HS1BP3: variants seen among roughly 807,000 people sequenced by gnomAD.
HS1BP3 encodes the protein HCLS1-binding protein 3.
In HS1BP3, 32 loss-of-function variants were observed where a neutral mutation model predicts 33.5. The observed-to-expected ratio is 0.95, with a 90% CI of 0.72 to 1.28. HS1BP3 has a LOEUF of 1.28. Ranked by LOEUF, HS1BP3 falls within the 50% of genes most tolerant of loss-of-function variation. HS1BP3 has a pLI of 0.00. For synonymous variants in HS1BP3, 187 were observed against 209.2 expected (o/e 0.89, Z 0.92); for missense variants, 486 against 502.3 (o/e 0.97, Z 0.31).
chr2:20,594,991 G>C (rs946057293), intron 3 of HS1BP3, among the ~76,000 whole-genome samples: 1 of 152,056 alleles, frequency 6.6e-6, no homozygotes, highest in Non-Finnish European at 1.5e-5. Context: ...CAACATACAC[G>C]TTGTCGGGAG....
rs538571723 is a variant in HS1BP3 at position 20,649,182 on chromosome 2, G to A, written c.32+1850C>T. Among the ~76,000 whole-genome samples, 9 of 152,182 alleles carry A rather than the reference G, an allele frequency of 5.9e-5. No individual in the cohort carries two copies. The South Asian group carries it at 1.5e-3, about 25-fold the overall frequency. On this transcript the variant is annotated intron_variant, in intron 1 of 6. Transcript: ENST00000304031. ...CTGATGGCCCCTCCACAGCCTTCTC[G>A]GCCTTTCCTGATCATCCTTCACTCC...
chr2:20,621,012 G>A (rs1052397919), intron 6 of HS1BP3, among the ~76,000 whole-genome samples: 10 of 152,246 alleles, frequency 6.6e-5, no homozygotes, highest in Admixed American at 2.0e-4. Flanking sequence ...AGAAGGGTGA[G>A]CCTGGCATGA....
downstream of HS1BP3, among the ~76,000 whole-genome samples, chr2:20,615,833 G>A (rs577943855): frequency 2.0e-5 from 3 of 152,350 alleles, no homozygotes; most frequent in African/African-American, 4.8e-5. Context: ...GTGAGAGCTT[G>A]AGACTCAGAG....
chr2:20,614,662 C>T (rs768638790), downstream of HS1BP3, among the ~76,000 whole-genome samples: 13 of 152,222 alleles, frequency 8.5e-5, no homozygotes, highest in Admixed American at 5.9e-4. Flanking sequence ...GGAAAACAAA[C>T]GACATGATTG....
In HS1BP3 at chr2:20,638,443, T is replaced by A. The variant is rs1176448899; in HGVS notation, c.616A>T (p.Ile206Phe). 1 of 1,613,986 alleles carries A rather than the reference T, an allele frequency of 6.2e-7. No individual in the cohort carries two copies. Among genetic ancestry groups the A allele is most frequent in the African/African-American group, 1.3e-5 (1 of 74,924 alleles). ...CAACAACAGGAGACCAACCGCATAA[T>A]GCCCAGAGGGTCCAGCGCCTCCTCC... ...EEEEALDPLG[I>F]MRSKKPKKHP... is the part of the protein sequence containing the mutation. The change falls in exon 4 of 7, where the codon ATT (isoleucine) becomes TTT (phenylalanine). Residue 206 changes from isoleucine to phenylalanine, a missense_variant. Physicochemically the swap from Ile to Phe is conservative, Grantham distance 21. Transcript: ENST00000304031.
chr2:20,617,072 AC>A (rs767649447), downstream of HS1BP3, among the ~76,000 whole-genome samples: 86 of 152,092 alleles, frequency 5.7e-4, 1 homozygote, highest in Middle Eastern at 3.4e-3. Flanking sequence ...GTGGCCACCT[AC>A]CCCGCTGTGC....
intron 4 of HS1BP3, chr2:20,636,437 G>C (rs978825269): frequency 6.6e-6 from 1 of 152,304 alleles, no homozygotes; most frequent in African/African-American, 2.4e-5. Flanking sequence ...GTGGGGTCCT[G>C]GCTCTGCCAT....
chr2:20,599,492 G>A (rs950212512), intron 2 of HS1BP3, among the ~76,000 whole-genome samples: 1 of 152,154 alleles, frequency 6.6e-6, no homozygotes, highest in Non-Finnish European at 1.5e-5. Flanking sequence ...ACACCAAACC[G>A]GGATGCTATC....
At chr2:20,603,503 A>C (rs1265101654) in intron 2 of HS1BP3, among the ~76,000 whole-genome samples, 1 of 152,216 alleles carries the variant, frequency 6.6e-6, no homozygotes, top group African/African-American at 2.4e-5. Context: ...CACATATTAC[A>C]TTATCCCATA....
At chr2:20,578,710 C>T (rs1484428766) in intron 5 of HS1BP3, among the ~76,000 whole-genome samples, 2 of 152,224 alleles carry the variant, frequency 1.3e-5, no homozygotes, top group Non-Finnish European at 2.9e-5. Context: ...TAGGCAATCT[C>T]CTACATGCTC....
chr2:20,640,423 A>G (rs1015045913), intron 3 of HS1BP3: 4 of 219,484 alleles, frequency 1.8e-5, no homozygotes, highest in African/African-American at 9.1e-5. Flanking sequence ...CAGGACACCC[A>G]TGGGAAGGGC....
At chr2:20,619,695 C>G (rs372706046) in intron 6 of HS1BP3, among the ~76,000 whole-genome samples, 4 of 152,272 alleles carry the variant, frequency 2.6e-5, no homozygotes, top group African/African-American at 9.6e-5. Context: ...GCTTCCATCA[C>G]GCAGATGAGG....
At chr2:20,632,646 A>G (rs1351435235) in intron 4 of HS1BP3, among the ~76,000 whole-genome samples, 1 of 152,328 alleles carries the variant, frequency 6.6e-6, no homozygotes, top group Non-Finnish European at 1.5e-5. Context: ...ACTTGCCACA[A>G]CGGGTCCTGG....
chr2:20,624,976 C>T, intron 4 of HS1BP3, 84 bp from the exon 5 acceptor site: 1 of 1,508,196 alleles, frequency 6.6e-7, no homozygotes, highest in Non-Finnish European at 9.1e-7. Flanking sequence ...GGCGCTGGGC[C>T]CTGCAGTGGA....
intron 4 of HS1BP3, 82 bp from the exon 5 acceptor site, chr2:20,624,974 GC>G: frequency 6.7e-7 from 1 of 1,501,840 alleles, no homozygotes; most frequent in Non-Finnish European, 9.2e-7. Context: ...CAGGCGCTGG[GC>G]CCTGCAGTGG....
chr2:20,562,734 T>A lies in HS1BP3; in HGVS notation c.303-2219A>T, dbSNP rs923559081. 1.2e-4 allele frequency among the ~76,000 whole-genome samples: 18 copies of A among 152,228 alleles called. 1 individual carries two copies. The highest frequency in any genetic ancestry group is 1.0e-3 in the Admixed American group (16 of 15,284). On this transcript the variant is annotated intron_variant, in intron 5 of 5. Coordinates refer to the HS1BP3 transcript ENST00000446825. The stretch of plus-strand genomic sequence containing the variant: ...CTAGAAGCTGTCTCCAGGGGGATAG[T>A]GTCAGAATTGAATTCAAAGCGAGGA...
intron 2 of HS1BP3, among the ~76,000 whole-genome samples, chr2:20,603,246 G>T (rs1694106715): frequency 6.6e-6 from 1 of 152,062 alleles, no homozygotes; most frequent in African/African-American, 2.4e-5. Context: ...AAGAGAAATA[G>T]AAACATAGGT....
chr2:20,587,228 A>G, intron 5 of HS1BP3, among the ~76,000 whole-genome samples: 1 of 152,244 alleles, frequency 6.6e-6, no homozygotes, highest in African/African-American at 2.4e-5. Context: ...CAGTCATTTA[A>G]AGTGGTCTTT....
At chr2:20,595,417 C>A (rs1386654550) in intron 3 of HS1BP3, among the ~76,000 whole-genome samples, 2 of 152,106 alleles carry the variant, frequency 1.3e-5, no homozygotes, top group African/African-American at 4.8e-5. Context: ...CCCTATCATC[C>A]TCCTCCTCCT....
Sources: gnomAD v4.1 joint callset for allele counts (sites outside exome capture counted in the v4.1 genomes callset) on GRCh38, gnomAD v4.1.1 for gene constraint, MANE v1.5 for transcripts, NCBI Gene and HGNC (gene_info 2026-07-23, HGNC 2026-07-21) for gene names.